TRHDE: variants seen among roughly 807,000 people sequenced by gnomAD.
TRHDE encodes thyrotropin-releasing hormone-degrading ectoenzyme.
A neutral mutation model predicts 125.7 loss-of-function variants in TRHDE; 72 were observed. The ratio of observed to expected loss-of-function variants is 0.57; its 90% CI spans 0.47 to 0.70. The LOEUF is 0.70. Among genes scored for constraint, TRHDE ranks in the 30% least tolerant of loss-of-function variants. The probability of loss-of-function intolerance (pLI) is 0.00; values close to 1 mark genes in which losing one functional copy is unlikely to be tolerated. For synonymous variants in TRHDE, 509 were observed against 509.1 expected (o/e 1.00, Z 0.00); for missense variants, 1,110 against 1,327.1 (o/e 0.84, Z 2.54).
rs1396423553 is a variant in TRHDE at position 72,347,154 on chromosome 12, T to C, written c.1189-30841T>C. Among the ~76,000 whole-genome samples, 31 of 152,110 alleles carry C rather than the reference T, an allele frequency of 2.0e-4. 1 individual carries two copies. Among genetic ancestry groups the C allele is most frequent in the Admixed American group, 2.0e-3 (31 of 15,242 alleles). ...TGGCATATTTCTAAATAAATTCACA[T>C]TCTGGGGACTAGGACTTCAATGTTT... On this transcript the variant is annotated intron_variant, in intron 2 of 18. Transcript: ENST00000261180.
intron 2 of TRHDE, among the ~76,000 whole-genome samples, chr12:72,106,290 A>G (rs142144838): frequency 1.1e-3 from 161 of 152,316 alleles, no homozygotes; most frequent in African/African-American, 3.6e-3. Flanking sequence ...CTACTTTAAA[A>G]GTTTAAACGT....
intron 3 of TRHDE, among the ~76,000 whole-genome samples, chr12:72,443,617 T>C (rs1875129354): frequency 6.6e-6 from 1 of 151,694 alleles, no homozygotes; most frequent in Non-Finnish European, 1.5e-5. Context: ...GAGTGGAACA[T>C]TTTGCATTAA....
intron 7 of TRHDE, among the ~76,000 whole-genome samples, chr12:72,559,557 ATTATCT>A (rs910054482): frequency 1.3e-5 from 2 of 148,988 alleles, no homozygotes; most frequent in African/African-American, 2.6e-5. Flanking sequence ...TATTCTGGTG[ATTATCT>A]TTATTTGATT....
chr12:72,254,455 A>G (rs887612053), intron 2 of TRHDE: 2 of 152,164 alleles, frequency 1.3e-5, no homozygotes, highest in South Asian at 4.1e-4. Flanking sequence ...GTGACTACCA[A>G]TATAATATGA....
chr12:72,621,750 A>G lies in TRHDE; in HGVS notation c.2674A>G (p.Arg892Gly), dbSNP rs750033817. 1 of 1,596,480 alleles carries G rather than the reference A, an allele frequency of 6.3e-7. No individual in the cohort carries two copies. Among genetic ancestry groups the G allele is most frequent in the Admixed American group, 1.7e-5 (1 of 57,164 alleles). The change falls in exon 15 of 19, where the codon AGA (arginine) becomes GGA (glycine). Residue 892 changes from arginine to glycine, a missense_variant and splice_region_variant. Arg to Gly is a moderately radical substitution (Grantham distance 125). Coordinates refer to ENST00000261180, the MANE Select transcript of TRHDE (RefSeq NM_013381.3). ...AGATTGGATTTCCAGCAACAGGAAC[A>G]GGTAAACTGAGCCAAATCCTGTATT... ...ISDWISSNRN[R>G]IPLNVRDIVY... is the part of the protein sequence containing the mutation.
intron 17 of TRHDE, among the ~76,000 whole-genome samples, chr12:72,656,183 C>G (rs1874702800): frequency 6.6e-6 from 1 of 152,076 alleles, no homozygotes; most frequent in South Asian, 2.1e-4. Flanking sequence ...CTCACTGACA[C>G]AAGTTGTTCC....
At chr12:72,287,581 C>CAA (rs1319917491) in intron 2 of TRHDE, among the ~76,000 whole-genome samples, 1 of 150,078 alleles carries the variant, frequency 6.7e-6, no homozygotes, top group Non-Finnish European at 1.5e-5. Context: ...TGTATAGACA[C>CAA]ACACACACAC....
At chr12:72,344,493 T>A (rs1437863317) in intron 2 of TRHDE, among the ~76,000 whole-genome samples, 2 of 152,148 alleles carry the variant, frequency 1.3e-5, no homozygotes, top group Non-Finnish European at 2.9e-5. Flanking sequence ...GGACCAAGAT[T>A]GGAATCCATA....
At chr12:72,528,003 C>G (rs1476208350) in intron 6 of TRHDE, among the ~76,000 whole-genome samples, 2 of 152,042 alleles carry the variant, frequency 1.3e-5, no homozygotes, top group African/African-American at 4.8e-5. Flanking sequence ...GACACTAAAA[C>G]TTTATAAAAC....
intron 1 of TRHDE, among the ~76,000 whole-genome samples, chr12:72,277,726 A>C (rs1188606634): frequency 6.6e-6 from 1 of 152,136 alleles, no homozygotes; most frequent in East Asian, 1.9e-4. Flanking sequence ...TCACTCAGGG[A>C]GAAAATCTAT....
At chr12:72,597,755 ATATG>A (rs1482450002) in intron 12 of TRHDE, among the ~76,000 whole-genome samples, 456 of 10,434 alleles carry the variant, frequency 0.044, 27 homozygotes, top group Non-Finnish European at 0.061. Flanking sequence ...ATATATATAT[ATATG>A]CATACACACA....
intron 2 of TRHDE, among the ~76,000 whole-genome samples, chr12:72,362,631 C>T (rs1484924176): frequency 2.7e-5 from 4 of 150,666 alleles, no homozygotes; most frequent in African/African-American, 9.7e-5. Context: ...GACATGAAGT[C>T]CTTGCCCATG....
intron 1 of TRHDE, among the ~76,000 whole-genome samples, chr12:72,089,805 T>C (rs1210478697): frequency 6.6e-6 from 1 of 152,158 alleles, no homozygotes; most frequent in East Asian, 1.9e-4. Context: ...TCCCATGCAA[T>C]GAGAAGTCTA....
chr12:72,260,963 C>G (rs896558756), intron 2 of TRHDE, among the ~76,000 whole-genome samples: 1 of 152,038 alleles, frequency 6.6e-6, no homozygotes, highest in Non-Finnish European at 1.5e-5. Context: ...TTTTGACAGT[C>G]GTTGGTAAAT....
rs377579736 is a variant in TRHDE, at chr12:72,227,890, G to A, written n.279+122138G>A. ...TAAAGCTCCAAAATGATCTTCTTTGGCTCCATGTCTCATATCCAGGTCATG... is the reference window on the plus strand; with the variant it reads ...TAAAGCTCCAAAATGATCTTCTTTGACTCCATGTCTCATATCCAGGTCATG... On this transcript the variant is annotated intron_variant and non_coding_transcript_variant, in intron 2 of 4. Transcript: ENST00000548156. Among the ~76,000 whole-genome samples, 5 of 152,112 alleles carry A rather than the reference G, an allele frequency of 3.3e-5. No homozygotes were observed. In the East Asian group the frequency reaches 7.7e-4, roughly 24 times the overall value.
intron 6 of TRHDE, among the ~76,000 whole-genome samples, chr12:72,520,131 G>GAGGC (rs1209790516): frequency 6.6e-6 from 1 of 152,222 alleles, no homozygotes; most frequent in South Asian, 2.1e-4. Flanking sequence ...GGAGCCTACA[G>GAGGC]AGGCAGGCAG....
chr12:72,369,804 A>T (rs887092021), intron 2 of TRHDE, among the ~76,000 whole-genome samples: 1 of 152,162 alleles, frequency 6.6e-6, no homozygotes, highest in Non-Finnish European at 1.5e-5. Flanking sequence ...AGAGGAAGAG[A>T]TAAAGCCTAG....
intron 6 of TRHDE, among the ~76,000 whole-genome samples, chr12:72,524,022 A>G (rs898341370): frequency 2.6e-5 from 4 of 152,168 alleles, no homozygotes; most frequent in Admixed American, 1.3e-4. Context: ...CAAGTCCTCA[A>G]TACTAACCTG....
At chr12:72,197,774 C>G (rs1370660344) in intron 2 of TRHDE, among the ~76,000 whole-genome samples, 1 of 152,098 alleles carries the variant, frequency 6.6e-6, no homozygotes, top group Non-Finnish European at 1.5e-5. Context: ...CCTGCTTACA[C>G]TTTAGGTATG....
Sources: allele counts gnomAD v4.1 joint callset (sites outside exome capture counted in the v4.1 genomes callset), GRCh38; gene constraint gnomAD v4.1.1; transcripts MANE v1.5; gene names NCBI Gene and HGNC (gene_info 2026-07-23, HGNC 2026-07-21).